The following PRKCG variants were observed in gnomAD, a reference collection of about 807,000 sequenced individuals.
PRKCG encodes protein kinase C gamma.
Under a neutral mutation model 82.0 loss-of-function variants are expected in PRKCG, and 28 were observed. The observed-to-expected ratio is 0.34, with a 90% confidence interval of 0.25 to 0.47. PRKCG has a LOEUF of 0.47. PRKCG is among the 20% of genes least tolerant of loss of function. PRKCG has a pLI of 1.00. For missense variants in PRKCG, 640 were observed against 952.7 expected (o/e 0.67, Z 4.32); for synonymous variants, 383 against 376.6 (o/e 1.02, Z -0.20).
intron 14 of PRKCG, among the ~76,000 whole-genome samples, chr19:53,902,093 C>T (rs906837891): frequency 9.2e-5 from 14 of 152,090 alleles, no homozygotes; most frequent in Admixed American, 3.3e-4. Flanking sequence ...CAAAACCTGG[C>T]TGGTAATCAG....
chr19:53,887,309 C>G (rs1234734152), intron 3 of PRKCG, among the ~76,000 whole-genome samples: 1 of 151,648 alleles, frequency 6.6e-6, no homozygotes, highest in African/African-American at 2.4e-5. Context: ...ACCAGCCTGA[C>G]CAACATGGAG....
chr19:53,904,728 G>A lies in PRKCG; in HGVS notation c.1750G>A (p.Ala584Thr), dbSNP rs2068789321. 1.2e-6 allele frequency: 2 copies of A among 1,613,594 alleles called. No homozygotes were observed. The highest frequency in any genetic ancestry group is 8.5e-7 in the Non-Finnish European group (1 of 1,179,848). The change falls in exon 16 of 18, where the codon GCC becomes ACC. Residue 584 changes from alanine (A) to threonine (T), a missense_variant. Coordinates refer to ENST00000263431, the MANE Select transcript of PRKCG (RefSeq NM_002739.5). ...YPKSLSREAVAICKGFLTKHP... is the reference protein window; with the variant it reads ...YPKSLSREAVTICKGFLTKHP... ...CAAGTCGCTTTCCCGGGAAGCCGTG[G>A]CCATCTGCAAGGGGGTGAGAGCCCC...
In PRKCG at chr19:53,892,774, A is replaced by ACACACACACG. The variant is rs1472855653; in HGVS notation, c.821+138_821+139insACGCACACAC. The ACACACACACG allele has an allele frequency of 9.7e-7, 1 of 1,033,626 alleles. No homozygotes were observed. The highest frequency in any genetic ancestry group is 2.6e-5 in the East Asian group (1 of 38,376). 64.0% of individuals were successfully genotyped at this position (1,033,626 alleles called of 1,614,324 possible). On this transcript the variant is annotated intron_variant, in intron 7 of 17. Transcript: ENST00000263431. This position sits in a 1 kb window ranked among gnomAD's most constrained non-coding sequence, Gnocchi z 5.9. ...TGCGCACACACACACACACACACAC[A>ACACACACACG]CACACACGCACACACACGCACACAC...
rs767952392 is a variant in PRKCG, at chr19:53,889,968, C to A, written c.480C>A (p.Arg160=). The change falls in exon 5 of 18, where the codon CGC becomes CGA. Residue 160 remains arginine, a synonymous_variant. Transcript: ENST00000263431. The surrounding 1 kb of genome is among the most constrained non-coding windows in gnomAD (Gnocchi z 4.4). ...TGGACCACACCGAGCGCCGCGGGCG[C>A]CTGCAGCTGGAGATCCGGGCTCCCA... ...CGVDHTERRG[R]LQLEIRAPTA... is the part of the protein sequence containing the mutation. The A allele has an allele frequency of 5.7e-6, 9 of 1,574,884 alleles. No homozygotes were observed. Among genetic ancestry groups the A allele is most frequent in the Non-Finnish European group, 7.7e-6 (9 of 1,161,980 alleles).
intron 3 of PRKCG, among the ~76,000 whole-genome samples, chr19:53,887,497 CAAAAAAAAAAAAAAAAAAAA>C (rs71189894): frequency 7.5e-4 from 11 of 14,712 alleles, no homozygotes; most frequent in Admixed American, 6.0e-3. Context: ...AACTCTGTCT[CAAAAAAAAAAAAAAAAAAAA>C]AAAAAAAAAA....
Position 53,900,333 on chromosome 19 carries a change from C to T in PRKCG, c.1373+9C>T, listed in dbSNP as rs770646331. On this transcript the variant is annotated intron_variant, in intron 12 of 17. Transcript: ENST00000263431. This position sits in a 1 kb window ranked among gnomAD's most constrained non-coding sequence, Gnocchi z 4.2. ...AAGGAGCCCCATGCAGCGTGAGTCT[C>T]GGCCAACAGAGAATGGTCGGGGTGG... The T allele has an allele frequency of 3.7e-6, 6 of 1,614,036 alleles. No homozygotes were observed. The highest frequency in any genetic ancestry group is 2.2e-5 in the South Asian group (2 of 91,070).
chr19:53,901,220 T>G (rs542111241), intron 14 of PRKCG, among the ~76,000 whole-genome samples: 1 of 152,156 alleles, frequency 6.6e-6, no homozygotes. Flanking sequence ...CTGATGTAAG[T>G]GTACTGGACT....
intron 16 of PRKCG, among the ~76,000 whole-genome samples, chr19:53,905,267 G>A (rs753053039): frequency 6.6e-6 from 1 of 151,942 alleles, no homozygotes; most frequent in Non-Finnish European, 1.5e-5. Flanking sequence ...ATACGATGGG[G>A]CTCTCTGTGT....
chr19:53,888,822 CAAAT>C (rs2068650307), intron 3 of PRKCG, among the ~76,000 whole-genome samples: 1 of 152,118 alleles, frequency 6.6e-6, no homozygotes, highest in Non-Finnish European at 1.5e-5. Flanking sequence ...CACAAGTCCT[CAAAT>C]AATAACTTGT....
Position 53,891,729 on chromosome 19 carries a change from T to C in PRKCG, c.585T>C (p.Tyr195=), listed in dbSNP as rs761158551. The change falls in exon 6 of 18, where the codon TAT becomes TAC. Residue 195 remains tyrosine, a synonymous_variant. Transcript: ENST00000263431. ...ACCCCAATGGTCTCTCTGATCCCTA[T>C]GTGAAACTGAAGCTCATCCCAGACC... ...PMDPNGLSDP[Y]VKLKLIPDPR... is the part of the protein sequence containing the mutation. 7.1e-5 allele frequency: 115 copies of C among 1,613,968 alleles called. No homozygotes were observed. Among genetic ancestry groups the C allele is most frequent in the Non-Finnish European group, 9.2e-5 (109 of 1,180,000 alleles).
At position 53,892,433 on chromosome 19, in the gene PRKCG, C is replaced by T; in HGVS notation, c.687-76C>T. On this transcript the variant is annotated intron_variant, in intron 6 of 17. Transcript: ENST00000263431. The surrounding 1 kb of genome is among the most constrained non-coding windows in gnomAD (Gnocchi z 5.9). Reference sequence around the variant, plus strand: ...CCCAGCTGGCTGGGTTTGCCCCCACCTCCAGCACCAAGGATGGGGAACCGA... The same window carrying T: ...CCCAGCTGGCTGGGTTTGCCCCCACTTCCAGCACCAAGGATGGGGAACCGA... The T allele has an allele frequency of 1.9e-6, 3 of 1,562,930 alleles. No individual in the cohort carries two copies. The highest frequency in any genetic ancestry group is 2.6e-6 in the Non-Finnish European group (3 of 1,160,220).
At position 53,892,481 on chromosome 19, in the gene PRKCG, G is replaced by A; in HGVS notation, c.687-28G>A. The A allele has an allele frequency of 6.2e-7, 1 of 1,604,194 alleles. No homozygotes were observed. Among genetic ancestry groups the A allele is most frequent in the Non-Finnish European group, 8.5e-7 (1 of 1,177,594 alleles). ...CGAGGGGAGCCATGAGCTCGGCTCTGCACCCCATCCACCCCACCTTCCTGC... is the reference window on the plus strand; with the variant it reads ...CGAGGGGAGCCATGAGCTCGGCTCTACACCCCATCCACCCCACCTTCCTGC... On this transcript the variant is annotated intron_variant, in intron 6 of 17. Transcript: ENST00000263431. The surrounding 1 kb of genome is among the most constrained non-coding windows in gnomAD (Gnocchi z 5.9).
At chr19:53,899,235 G>A (rs918949604) in intron 11 of PRKCG, among the ~76,000 whole-genome samples, 2 of 152,114 alleles carry the variant, frequency 1.3e-5, no homozygotes, top group African/African-American at 4.8e-5. Context: ...TTCCTTGGGG[G>A]CGTGGCCAGG....
At chr19:53,882,022 G>T (rs1025351074), upstream of PRKCG, among the ~76,000 whole-genome samples, 2 of 152,108 alleles carry the variant, frequency 1.3e-5, no homozygotes, top group East Asian at 1.9e-4. This position sits in a 1 kb window ranked among gnomAD's most constrained non-coding sequence, Gnocchi z 6.1. Flanking sequence ...TGGTGGGGGG[G>T]AGCCAGGCTC....
rs1344606686 is a variant in PRKCG, at chr19:53,906,838, C to G, written c.2037C>G (p.Asp679Glu). ...AGGGCTTCACCTACGTGAACCCCGACTTCGTGCACCCGGATGCCCGCAGCC... is the reference window on the plus strand; with the variant it reads ...AGGGCTTCACCTACGTGAACCCCGAGTTCGTGCACCCGGATGCCCGCAGCC... ...DFQGFTYVNP[D>E]FVHPDARSPT... Residue 679 changes from aspartate to glutamate, a missense_variant, in exon 18 of 18, where the codon GAC becomes GAG. Coordinates refer to ENST00000263431, the MANE Select transcript of PRKCG (RefSeq NM_002739.5). 12 of 1,613,782 alleles carry G rather than the reference C, an allele frequency of 7.4e-6. No individual in the cohort carries two copies. Among genetic ancestry groups the G allele is most frequent in the South Asian group, 1.1e-5 (1 of 91,088 alleles).
In PRKCG at chr19:53,884,719, T is replaced by C. The variant is rs1252926788; in HGVS notation, c.285+476T>C. Among the ~76,000 whole-genome samples, 1 of 151,030 alleles carries C rather than the reference T, an allele frequency of 6.6e-6. No homozygotes were observed. Among genetic ancestry groups the C allele is most frequent in the Non-Finnish European group, 1.5e-5 (1 of 67,768 alleles). ...AAGAACCAGGGAGAAAGAGAGGAAT[T>C]TGGAGGCACCAAAAGATGGACAGAG... On this transcript the variant is annotated intron_variant, in intron 3 of 17. Coordinates refer to ENST00000263431, the MANE Select transcript of PRKCG (RefSeq NM_002739.5). The surrounding 1 kb of genome is among the most constrained non-coding windows in gnomAD (Gnocchi z 4.6).
chr19:53,889,505 G>T lies in PRKCG; in HGVS notation c.286-133G>T. Reference sequence around the variant, plus strand: ...ACACAGCAGGTGCTCAATGATTATTGGTACATAGAGTGAAAGAGATGGAGC... The same window carrying T: ...ACACAGCAGGTGCTCAATGATTATTTGTACATAGAGTGAAAGAGATGGAGC... On this transcript the variant is annotated intron_variant, in intron 3 of 17. Transcript: ENST00000263431. The surrounding 1 kb of genome is among the most constrained non-coding windows in gnomAD (Gnocchi z 4.4). The T allele has an allele frequency of 1.4e-6, 1 of 696,602 alleles. No individual in the cohort carries two copies. The highest frequency in any genetic ancestry group is 2.6e-6 in the Non-Finnish European group (1 of 383,432). 43.2% of individuals were successfully genotyped at this position (696,602 alleles called of 1,614,324 possible). A position where few individuals can be genotyped will look rare whatever the true frequency, so the allele number is the denominator to read the frequency against.
chr19:53,906,215 T>C (rs2068809238), intron 16 of PRKCG, 102 bp from the exon 17 acceptor site: 1 of 1,468,380 alleles, frequency 6.8e-7, no homozygotes, highest in African/African-American at 1.4e-5. Flanking sequence ...TGCCTGTGTC[T>C]CTTGGTTCCT....
Position 53,892,574 on chromosome 19 carries a change from C to T in PRKCG, c.752C>T (p.Ser251Phe). ...GAGGTGTGGGACTGGGACCGGACCTCCCGCAACGACTTCATGGGGGCCATG... is the reference window on the plus strand; with the variant it reads ...GAGGTGTGGGACTGGGACCGGACCTTCCGCAACGACTTCATGGGGGCCATG... ...SVEVWDWDRT[S>F]RNDFMGAMSF... Residue 251 changes from serine (S) to phenylalanine (F), a missense_variant, in exon 7 of 18, where the codon TCC becomes TTC. By Grantham distance (155) the Ser-to-Phe change is radical. Transcript: ENST00000263431. This position sits in a 1 kb window ranked among gnomAD's most constrained non-coding sequence, Gnocchi z 5.9. 1 of 1,613,686 alleles carries T rather than the reference C, an allele frequency of 6.2e-7. No homozygotes were observed. Among genetic ancestry groups the T allele is most frequent in the Non-Finnish European group, 8.5e-7 (1 of 1,180,004 alleles).
Sources: allele counts gnomAD v4.1 joint callset (sites outside exome capture counted in the v4.1 genomes callset), GRCh38; gene constraint gnomAD v4.1.1; non-coding constraint Gnocchi (gnomAD v3.1); transcripts MANE v1.5; gene names NCBI Gene and HGNC (gene_info 2026-07-23, HGNC 2026-07-21).